ADAMTSL1: variants seen among roughly 807,000 people sequenced by gnomAD.
ADAMTSL1 encodes the protein ADAMTS-like protein 1.
In ADAMTSL1, 126 loss-of-function variants were observed where a neutral mutation model predicts 201.8. That is an observed-to-expected ratio of 0.62 (90% CI 0.54 to 0.72). ADAMTSL1 has a LOEUF of 0.72. ADAMTSL1 is among the 30% of genes least tolerant of loss of function. The pLI is 0.00. For synonymous variants in ADAMTSL1, 1,121 were observed against 903.4 expected (o/e 1.24, Z -4.32); for missense variants, 2,679 against 2,277.8 (o/e 1.18, Z -3.59).
chr9:18,777,241 C>G lies in ADAMTSL1; in HGVS notation c.3012C>G (p.Asn1004Lys). Residue 1004 changes from asparagine (N) to lysine (K), a missense_variant, in exon 19 of 29, where the codon AAC (asparagine) becomes AAG (lysine). Transcript: ENST00000380548. ...AACACCAGAACGGGATCTTCTCCAA[C>G]GGCAGCAAGGCGGAGAAGCGGGGCC... is the stretch of plus-strand genomic sequence containing the variant. ...THKHQNGIFS[N>K]GSKAEKRGLA... 6.2e-7 allele frequency: 1 copy of G among 1,612,530 alleles called. No individual in the cohort carries two copies. The highest frequency in any genetic ancestry group is 8.5e-7 in the Non-Finnish European group (1 of 1,179,686).
intron 2 of ADAMTSL1, among the ~76,000 whole-genome samples, chr9:18,224,521 G>C (rs1207411092): frequency 6.6e-6 from 1 of 152,028 alleles, no homozygotes; most frequent in Non-Finnish European, 1.5e-5. Context: ...ATAACATTCT[G>C]CTGCTGGCCC....
chr9:18,908,324 C>G, intron 28 of ADAMTSL1, 118 bp from the exon 29 acceptor site: 1 of 843,594 alleles, frequency 1.2e-6, no homozygotes, highest in Non-Finnish European at 1.9e-6. Context: ...CAAGGCAGAC[C>G]CCAGGATGTA....
chr9:18,135,021 T>A (rs72699489), intron 1 of ADAMTSL1, among the ~76,000 whole-genome samples: 5,360 of 152,284 alleles, frequency 0.035, 129 homozygotes, highest in Middle Eastern at 0.075. Flanking sequence ...GACAAGGGAA[T>A]CAATACTGCC....
chr9:17,944,349 T>A (rs1718780295), intron 1 of ADAMTSL1, among the ~76,000 whole-genome samples: 1 of 152,250 alleles, frequency 6.6e-6, no homozygotes, highest in Admixed American at 6.5e-5. Context: ...TCCATGCTCA[T>A]GGGTAGGAAG....
At chr9:18,108,447 G>A (rs992505334) in intron 1 of ADAMTSL1, among the ~76,000 whole-genome samples, 3 of 151,900 alleles carry the variant, frequency 2.0e-5, no homozygotes, top group African/African-American at 7.3e-5. Flanking sequence ...ACATCCTCCC[G>A]CCTTGGCCTC....
intron 14 of ADAMTSL1, among the ~76,000 whole-genome samples, chr9:18,712,385 A>C (rs937547800): frequency 5.9e-5 from 9 of 151,880 alleles, no homozygotes; most frequent in Admixed American, 5.9e-4. Flanking sequence ...TAGAATAACC[A>C]ATACAGAGAA....
intron 1 of ADAMTSL1, among the ~76,000 whole-genome samples, chr9:18,024,788 T>A (rs1349077580): frequency 6.6e-6 from 1 of 152,170 alleles, no homozygotes; most frequent in South Asian, 2.1e-4. Context: ...TACCCAGTAA[T>A]GGGATTGCTG....
intron 2 of ADAMTSL1, among the ~76,000 whole-genome samples, chr9:18,519,690 A>G (rs934366270): frequency 6.6e-6 from 1 of 152,218 alleles, no homozygotes; most frequent in Non-Finnish European, 1.5e-5. Context: ...TACCCAATGA[A>G]TGTGTTAAGT....
At chr9:18,372,682 G>A (rs1837099066) in intron 2 of ADAMTSL1, among the ~76,000 whole-genome samples, 1 of 152,068 alleles carries the variant, frequency 6.6e-6, no homozygotes, top group Admixed American at 6.6e-5. Context: ...TATCATCAGG[G>A]TCTTTTGGTT....
chr9:18,550,424 T>G (rs1232466227), intron 3 of ADAMTSL1, among the ~76,000 whole-genome samples: 1 of 151,936 alleles, frequency 6.6e-6, no homozygotes, highest in African/African-American at 2.4e-5. Context: ...AAGGCATTCA[T>G]GTACTGTTGT....
rs189969278 is a variant in ADAMTSL1 at position 18,338,225 on chromosome 9, C to T, written c.208-166604C>T. ...AGCCACTGACCCTTAACTTTTCCACCGCACTCTCAGCATGGAGAAAAGAGT... is the reference window on the plus strand; with the variant it reads ...AGCCACTGACCCTTAACTTTTCCACTGCACTCTCAGCATGGAGAAAAGAGT... On this transcript the variant is annotated intron_variant, in intron 2 of 29. Transcript: ENST00000680146. 5.7e-4 allele frequency among the ~76,000 whole-genome samples: 86 copies of T among 152,132 alleles called. 1 individual carries two copies. The highest frequency in any genetic ancestry group is 8.3e-4 in the South Asian group (4 of 4,820).
intron 23 of ADAMTSL1, among the ~76,000 whole-genome samples, chr9:18,873,842 G>A (rs1827993377): frequency 6.6e-6 from 1 of 152,018 alleles, no homozygotes; most frequent in Non-Finnish European, 1.5e-5. Context: ...GAATGATGGT[G>A]GTATCTTGAT....
intron 23 of ADAMTSL1, among the ~76,000 whole-genome samples, chr9:18,838,881 T>TA (rs200164238): frequency 0.027 from 3,969 of 146,004 alleles, 81 homozygotes; most frequent in Non-Finnish European, 0.041. Context: ...TCTCTTTTTT[T>TA]TAAAAAAAAA....
At chr9:18,741,926 C>T (rs975019174) in intron 15 of ADAMTSL1, among the ~76,000 whole-genome samples, 3 of 152,222 alleles carry the variant, frequency 2.0e-5, no homozygotes, top group African/African-American at 7.2e-5. Context: ...ACCATCTCAA[C>T]TCATTCAACT....
chr9:18,138,677 G>A (rs76743045), intron 1 of ADAMTSL1, among the ~76,000 whole-genome samples: 1,815 of 152,216 alleles, frequency 0.012, 40 homozygotes, highest in African/African-American at 0.041. Flanking sequence ...GACACAGTAA[G>A]CGAGTTCTAG....
chr9:18,720,349 T>G (rs985600716), intron 14 of ADAMTSL1, among the ~76,000 whole-genome samples: 5 of 152,214 alleles, frequency 3.3e-5, no homozygotes, highest in Non-Finnish European at 7.3e-5. Context: ...TTTGTGCAGT[T>G]GTTGAGAGGA....
At chr9:18,609,720 C>A (rs932907049) in intron 4 of ADAMTSL1, among the ~76,000 whole-genome samples, 26 of 152,040 alleles carry the variant, frequency 1.7e-4, no homozygotes, top group African/African-American at 5.1e-4. Flanking sequence ...ATATCCCCCC[C>A]CTAAAATAAT....
intron 3 of ADAMTSL1, among the ~76,000 whole-genome samples, chr9:18,546,506 ACAAC>A: frequency 6.6e-6 from 1 of 152,116 alleles, no homozygotes; most frequent in African/African-American, 2.4e-5. Context: ...CCCGTATCCA[ACAAC>A]ATACCAACAT....
intron 1 of ADAMTSL1, among the ~76,000 whole-genome samples, chr9:18,093,228 C>T (rs1264410793): frequency 6.6e-6 from 1 of 152,052 alleles, no homozygotes; most frequent in East Asian, 1.9e-4. Context: ...GAAAAAAAAT[C>T]TGCAGTATTT....
Sources: gnomAD v4.1 joint callset for allele counts (sites outside exome capture counted in the v4.1 genomes callset) on GRCh38, gnomAD v4.1.1 for gene constraint, MANE v1.5 for transcripts, NCBI Gene and HGNC (gene_info 2026-07-23, HGNC 2026-07-21) for gene names.